Variants in CLMP observed in about 807,000 individuals in gnomAD.
CLMP encodes the protein CXADR like cell adhesion molecule.
Under a neutral mutation model 45.2 loss-of-function variants are expected in CLMP, and 27 were observed. The observed-to-expected ratio is 0.60, with a 90% CI of 0.44 to 0.82. The LOEUF is 0.82. CLMP is among the 40% of genes least tolerant of loss of function. CLMP has a pLI of 0.00. For synonymous variants in CLMP, 167 were observed against 171.4 expected (o/e 0.97, Z 0.20); for missense variants, 403 against 448.4 (o/e 0.90, Z 0.91).
chr11:123,117,035 G>A (rs1161236799), intron 1 of CLMP, among the ~76,000 whole-genome samples: 1 of 152,124 alleles, frequency 6.6e-6, no homozygotes, highest in African/African-American at 2.4e-5. Context: ...GATCACCTGA[G>A]GTTAGGAGTT....
chr11:123,179,325 AG>A (rs1172270191), intron 1 of CLMP, among the ~76,000 whole-genome samples: 1 of 152,214 alleles, frequency 6.6e-6, no homozygotes, highest in Admixed American at 6.5e-5. Context: ...TCTTTCAGAA[AG>A]GGATTTCTAT....
intron 1 of CLMP, among the ~76,000 whole-genome samples, chr11:123,178,641 A>C (rs951572461): frequency 6.6e-6 from 1 of 152,240 alleles, no homozygotes; most frequent in Non-Finnish European, 1.5e-5. Context: ...TGTGACAACT[A>C]GAAAGGAAGG....
At chr11:123,091,717 A>G (rs1470554680) in intron 2 of CLMP, among the ~76,000 whole-genome samples, 2 of 152,182 alleles carry the variant, frequency 1.3e-5, no homozygotes, top group African/African-American at 4.8e-5. Flanking sequence ...TTGTCTGTGT[A>G]ACTGGAGTGC....
chr11:123,101,358 C>T (rs189532664), intron 1 of CLMP, among the ~76,000 whole-genome samples: 263 of 152,320 alleles, frequency 1.7e-3, no homozygotes, highest in African/African-American at 6.1e-3. Flanking sequence ...CCGCCTGCCT[C>T]GGCCTCCCAA....
chr11:123,182,475 T>G (rs540396679), intron 1 of CLMP, among the ~76,000 whole-genome samples: 1 of 152,212 alleles, frequency 6.6e-6, no homozygotes, highest in African/African-American at 2.4e-5. Flanking sequence ...GAGACCTAGA[T>G]TCAGAGCCAG....
At chr11:123,186,817 G>C (rs1861841414) in intron 1 of CLMP, among the ~76,000 whole-genome samples, 1 of 152,108 alleles carries the variant, frequency 6.6e-6, no homozygotes, top group African/African-American at 2.4e-5. Flanking sequence ...GCCAGAGCCT[G>C]GCCAGAATCT....
chr11:123,073,596 TG>T lies in CLMP; in HGVS notation c.999del (p.Tyr333Ter). Reference sequence around the variant, plus strand: ...CCTCTCACCTCTGGCCCCACTAGGCTGTATGCCTGGGTGGCCAGCCCTGGCT... The same window carrying T: ...CCTCTCACCTCTGGCCCCACTAGGCTTATGCCTGGGTGGCCAGCCCTGGCT... ...APQPGLATQA[Y>X]SLVGPEVRGS... On this transcript the variant is annotated frameshift_variant, in exon 7 of 7. Coordinates refer to ENST00000448775, the MANE Select transcript of CLMP (RefSeq NM_024769.5). LOFTEE classifies it high-confidence loss of function. 6.2e-7 allele frequency: 1 copy of T among 1,614,246 alleles called. No individual in the cohort carries two copies. The highest frequency in any genetic ancestry group is 8.5e-7 in the Non-Finnish European group (1 of 1,180,038).
intron 1 of CLMP, among the ~76,000 whole-genome samples, chr11:123,161,535 C>T (rs1003662590): frequency 6.6e-6 from 1 of 151,964 alleles, no homozygotes; most frequent in African/African-American, 2.4e-5. Flanking sequence ...ATTAGCCAAG[C>T]ATGGTGGCAA....
chr11:123,139,997 G>C (rs1438114615), intron 1 of CLMP, among the ~76,000 whole-genome samples: 1 of 152,174 alleles, frequency 6.6e-6, no homozygotes, highest in Non-Finnish European at 1.5e-5. Flanking sequence ...TTAAGATTCA[G>C]AATAGGCACT....
chr11:123,160,534 T>A (rs1861472312), intron 1 of CLMP, among the ~76,000 whole-genome samples: 1 of 152,146 alleles, frequency 6.6e-6, no homozygotes, highest in South Asian at 2.1e-4. Flanking sequence ...AGGAGCTGAA[T>A]TATGCAGAAT....
chr11:123,141,927 C>A (rs1315630980), intron 1 of CLMP, among the ~76,000 whole-genome samples: 2 of 151,356 alleles, frequency 1.3e-5, no homozygotes, highest in African/African-American at 4.9e-5. Context: ...AGCAGATGGG[C>A]TACAATCTCT....
intron 1 of CLMP, among the ~76,000 whole-genome samples, chr11:123,145,982 T>C (rs1422920210): frequency 1.3e-5 from 2 of 152,200 alleles, no homozygotes; most frequent in Non-Finnish European, 2.9e-5. Flanking sequence ...CCTGCGCAGA[T>C]AGCTCCCAGC....
At chr11:123,145,445 T>C (rs1861222261) in intron 1 of CLMP, among the ~76,000 whole-genome samples, 1 of 130,280 alleles carries the variant, frequency 7.7e-6, no homozygotes, top group Non-Finnish European at 1.6e-5. Flanking sequence ...GGTTCAGCTC[T>C]GCGGCTGTTT....
At chr11:123,162,902 C>G (rs746343436) in intron 1 of CLMP, among the ~76,000 whole-genome samples, 1 of 149,576 alleles carries the variant, frequency 6.7e-6, no homozygotes. Flanking sequence ...GAGACCCTGT[C>G]TCAAAAAAAA....
At chr11:123,124,118 A>G (rs575754125) in intron 1 of CLMP, among the ~76,000 whole-genome samples, 1 of 152,158 alleles carries the variant, frequency 6.6e-6, no homozygotes, top group South Asian at 2.1e-4. Context: ...CAGCCCTGTT[A>G]TATTTTTTTG....
chr11:123,141,759 T>A (rs1861162317), intron 1 of CLMP, among the ~76,000 whole-genome samples: 1 of 152,166 alleles, frequency 6.6e-6, no homozygotes, highest in Admixed American at 6.5e-5. Context: ...AATTAATTTA[T>A]TATTTTTAAT....
chr11:123,129,345 A>C (rs116111523), intron 1 of CLMP, among the ~76,000 whole-genome samples: 2 of 143,320 alleles, frequency 1.4e-5, no homozygotes, highest in Admixed American at 1.5e-4. Flanking sequence ...CATATATATA[A>C]AATATATCAT....
intron 1 of CLMP, among the ~76,000 whole-genome samples, chr11:123,098,175 AG>A (rs1237719616): frequency 6.6e-6 from 1 of 152,104 alleles, no homozygotes; most frequent in African/African-American, 2.4e-5. Flanking sequence ...ACATCCTACT[AG>A]TGCCTGTCTT....
intron 1 of CLMP, among the ~76,000 whole-genome samples, chr11:123,165,576 T>C (rs1861545731): frequency 6.6e-6 from 1 of 152,196 alleles, no homozygotes; most frequent in African/African-American, 2.4e-5. Flanking sequence ...ATGGTGTCCA[T>C]GGTGACCATC....
Sources: allele counts gnomAD v4.1 joint callset (sites outside exome capture counted in the v4.1 genomes callset), GRCh38; gene constraint gnomAD v4.1.1; transcripts MANE v1.5; gene names NCBI Gene and HGNC (gene_info 2026-07-23, HGNC 2026-07-21).